Variants in SCAF11 observed in about 807,000 individuals in gnomAD.
The protein encoded by SCAF11 is SR-related CTD associated factor 11.
In SCAF11, 47 loss-of-function variants were observed where a neutral mutation model predicts 140.5. The observed-to-expected ratio is 0.33, with a 90% CI of 0.26 to 0.43. The LOEUF is 0.43. Among genes scored for constraint, SCAF11 ranks in the 20% least tolerant of loss-of-function variants. SCAF11 has a pLI of 1.00. For missense variants in SCAF11, 1,645 were observed against 1,705.1 expected (o/e 0.96, Z 0.62); for synonymous variants, 557 against 579.4 (o/e 0.96, Z 0.55).
chr12:45,969,813 T>C (rs555244821), intron 1 of SCAF11, among the ~76,000 whole-genome samples: 6 of 152,254 alleles, frequency 3.9e-5, no homozygotes, highest in African/African-American at 1.4e-4. Flanking sequence ...TACAGCTCAC[T>C]GCAGCCTTGA....
intron 1 of SCAF11, among the ~76,000 whole-genome samples, chr12:45,986,533 A>G (rs913823592): frequency 1.3e-5 from 2 of 152,176 alleles, no homozygotes; most frequent in South Asian, 2.1e-4. Flanking sequence ...AATACACATC[A>G]CCACAATCCT....
chr12:45,934,317 CAAAT>C (rs1263505782), intron 7 of SCAF11, 32 bp from the exon 8 acceptor site: 1 of 1,464,810 alleles, frequency 6.8e-7, no homozygotes, highest in Non-Finnish European at 9.5e-7. Flanking sequence ...AGTGAAACAG[CAAAT>C]AAATAACAGG....
chr12:45,940,829 G>T (rs1478953278), intron 6 of SCAF11, among the ~76,000 whole-genome samples: 1 of 152,076 alleles, frequency 6.6e-6, no homozygotes, highest in Non-Finnish European at 1.5e-5. Context: ...TTGAGAAAGG[G>T]TCTTACTCTG....
At chr12:45,934,560 G>T in intron 6 of SCAF11, 55 bp from the exon 7 acceptor site, 2 of 1,245,522 alleles carry the variant, frequency 1.6e-6, no homozygotes, top group Non-Finnish European at 2.2e-6. Context: ...TATTAAAAAG[G>T]CTGTAAACCA....
At chr12:45,929,907 AC>A (rs537730864) in intron 10 of SCAF11, 18 of 152,174 alleles carry the variant, frequency 1.2e-4, no homozygotes, top group Admixed American at 3.9e-4. Flanking sequence ...AGGAGCACCA[AC>A]CCCCAACACA....
chr12:45,979,517 C>T (rs1198108975), intron 1 of SCAF11, among the ~76,000 whole-genome samples: 3 of 152,136 alleles, frequency 2.0e-5, no homozygotes, highest in Non-Finnish European at 4.4e-5. Context: ...TTATTTTGCA[C>T]AAATGCTGAA....
chr12:45,922,285 G>T (rs1690674884), intron 14 of SCAF11, 91 bp from the exon 15 acceptor site: 4 of 1,473,774 alleles, frequency 2.7e-6, no homozygotes, highest in African/African-American at 1.4e-5. Context: ...ACCCCAAAGA[G>T]ATAACCAGAC....
At chr12:45,962,386 T>C (rs554841161) in intron 2 of SCAF11, among the ~76,000 whole-genome samples, 3 of 152,310 alleles carry the variant, frequency 2.0e-5, no homozygotes, top group African/African-American at 7.2e-5. Flanking sequence ...AATTTAGTTA[T>C]TTCACATTTT....
At chr12:45,933,314 G>T in intron 8 of SCAF11, 82 bp from the exon 9 acceptor site, 1 of 853,874 alleles carries the variant, frequency 1.2e-6, no homozygotes, top group Non-Finnish European at 1.8e-6. Context: ...AAGAATAGCA[G>T]TCGTTTTTGT....
In SCAF11 at chr12:45,943,019, C is replaced by G. The variant is rs139189148; in HGVS notation, c.463+2230G>C. Among the ~76,000 whole-genome samples the G allele has an allele frequency of 2.5e-3, 378 of 152,176 alleles. 2 individuals are homozygous for G. The highest frequency in any genetic ancestry group is 7.3e-3 in the Admixed American group (112 of 15,278). On this transcript the variant is annotated intron_variant, in intron 6 of 14. Transcript: ENST00000369367. The stretch of plus-strand genomic sequence containing the variant: ...GAGTATGAACATCTAATACTGAGTA[C>G]GTATTGAGTATGAATCTAGAATTTA...
At chr12:45,956,072 C>A (rs1945684270) in intron 3 of SCAF11, 1 of 712,226 alleles carries the variant, frequency 1.4e-6, no homozygotes, top group African/African-American at 1.7e-5. Context: ...GACAAACCCA[C>A]ATTTAAATGT....
In SCAF11 at chr12:45,924,909, A is replaced by G; in HGVS notation, c.3725T>C (p.Ile1242Thr). ...ATGAATGTTAAATGGATTGCGTTGG[A>G]TGTTCATCAAAGGAGCATGAACACC... ...PVGVHAPLMN[I>T]QRNPFNIHPQ... is the part of the protein sequence containing the mutation. Residue 1242 changes from isoleucine (I) to threonine (T), a missense_variant, in exon 12 of 15, where the codon ATC becomes ACC. This residue lies in a region of SCAF11 where 1,582 missense variants were observed against 1,609.2 expected (regional missense o/e 0.98). Transcript: ENST00000369367. The G allele has an allele frequency of 6.2e-7, 1 of 1,614,136 alleles. No individual in the cohort carries two copies. Among genetic ancestry groups the G allele is most frequent in the Non-Finnish European group, 8.5e-7 (1 of 1,180,012 alleles).
intron 3 of SCAF11, chr12:45,956,069 C>A: frequency 1.4e-6 from 1 of 711,638 alleles, no homozygotes. Flanking sequence ...TCAGACAAAC[C>A]CACATTTAAA....
rs1944702078 is a variant in SCAF11 at position 45,921,171 on chromosome 12, CG to C, written c.*876del. On this transcript the variant is annotated 3_prime_UTR_variant, in exon 15 of 15. Transcript: ENST00000369367. ...CTAATTTTTGTATTTTTAGTAGAGA[CG>C]GGATTTCACCATGTTGGCCAGGCTG... The C allele has an allele frequency of 6.6e-6, 1 of 152,288 alleles. No individual in the cohort carries two copies. Among genetic ancestry groups the C allele is most frequent in the Non-Finnish European group, 1.5e-5 (1 of 68,090 alleles). The allele number at this position is 152,288 out of a possible 1,614,324, so 9.4% of individuals were successfully genotyped here.
chr12:45,946,263 T>C (rs948500776), intron 5 of SCAF11, among the ~76,000 whole-genome samples: 1 of 152,230 alleles, frequency 6.6e-6, no homozygotes, highest in African/African-American at 2.4e-5. Flanking sequence ...CAGGGTTTTA[T>C]TGCTTTGGAA....
chr12:45,972,861 T>C (rs1301700005), intron 1 of SCAF11, among the ~76,000 whole-genome samples: 1 of 105,026 alleles, frequency 9.5e-6, no homozygotes, highest in African/African-American at 3.5e-5. Flanking sequence ...TATATATATA[T>C]ATCGATATAT....
rs144698303 is a variant in SCAF11, at chr12:45,922,859, C to T, written c.4125+77G>A. 6.1e-4 allele frequency: 810 copies of T among 1,323,272 alleles called. 1 individual carries two copies. Among genetic ancestry groups the T allele is most frequent in the Admixed American group, 1.0e-3 (60 of 58,118 alleles). The allele number at this position is 1,323,272 out of a possible 1,614,324, so 82.0% of individuals were successfully genotyped here. On this transcript the variant is annotated intron_variant, in intron 13 of 14. Transcript: ENST00000369367. ...CCAATAAGAAATTCCCTTCACCACTCATACAATAAAAAGCTGATATTTTTT... is the reference window on the plus strand; with the variant it reads ...CCAATAAGAAATTCCCTTCACCACTTATACAATAAAAAGCTGATATTTTTT...
chr12:45,987,846 A>G (rs1946494886), intron 1 of SCAF11, among the ~76,000 whole-genome samples: 2 of 152,252 alleles, frequency 1.3e-5, no homozygotes, highest in Admixed American at 1.3e-4. Flanking sequence ...GTAGATCAGC[A>G]AAGGTCACAG....
At chr12:45,945,572 T>C (rs929487021) in intron 5 of SCAF11, among the ~76,000 whole-genome samples, 2 of 150,264 alleles carry the variant, frequency 1.3e-5, no homozygotes, top group African/African-American at 2.5e-5. Context: ...AAGATTTTGC[T>C]GACACCCAGG....
Sources: gnomAD v4.1 joint callset for allele counts (sites outside exome capture counted in the v4.1 genomes callset) on GRCh38, gnomAD v4.1.1 for gene constraint, gnomAD v4.1.1 regional missense constraint, MANE v1.5 for transcripts, NCBI Gene and HGNC (gene_info 2026-07-23, HGNC 2026-07-21) for gene names.